Variants in SSH1 observed in about 807,000 individuals in gnomAD.
SSH1 encodes protein phosphatase Slingshot homolog 1.
A neutral mutation model predicts 79.7 loss-of-function variants in SSH1; 43 were observed. That is an observed-to-expected ratio of 0.54 (90% CI 0.42 to 0.70). The LOEUF (loss-of-function observed/expected upper bound fraction) is 0.70. Ranked by LOEUF, SSH1 falls within the 30% of genes least tolerant of loss-of-function variation. SSH1 has a pLI of 0.00. For missense variants in SSH1, 1,206 were observed against 1,358.8 expected (o/e 0.89, Z 1.77); for synonymous variants, 599 against 538.3 (o/e 1.11, Z -1.56).
intron 2 of SSH1, among the ~76,000 whole-genome samples, chr12:108,830,776 C>T (rs2038453480): frequency 6.6e-6 from 1 of 152,060 alleles, no homozygotes; most frequent in Non-Finnish European, 1.5e-5. Flanking sequence ...CATGACAATA[C>T]GAAATGATGA....
intron 2 of SSH1, among the ~76,000 whole-genome samples, 157 bp downstream of exon 2, chr12:108,852,481 C>T (rs1566022610): frequency 6.6e-6 from 1 of 152,152 alleles, no homozygotes; most frequent in Non-Finnish European, 1.5e-5. Context: ...CCACCCGCCT[C>T]AGCCTCCCAA....
intron 5 of SSH1, among the ~76,000 whole-genome samples, chr12:108,812,460 G>A (rs995398773): frequency 2.6e-5 from 4 of 152,242 alleles, no homozygotes; most frequent in African/African-American, 9.6e-5. Context: ...CTCATAAGGA[G>A]GTGGGTACAG....
chr12:108,838,561 G>A (rs2038696346), intron 2 of SSH1, among the ~76,000 whole-genome samples: 1 of 152,246 alleles, frequency 6.6e-6, no homozygotes, highest in Admixed American at 6.5e-5. Context: ...CCTGCAGGAT[G>A]TGACTCAGCA....
At chr12:108,811,568 A>G in intron 5 of SSH1, 1 of 553,222 alleles carries the variant, frequency 1.8e-6, no homozygotes, top group Non-Finnish European at 3.3e-6. Context: ...CCGCACGCCC[A>G]CTCTACAGCA....
rs554500824 is a variant in SSH1 at position 108,785,573 on chromosome 12, T to C, written c.*2415A>G. ...TCTGCTCTGTGGACGGGACCAGCGC[T>C]CTCGTCTGGATGTTGATATGCTAGC... On this transcript the variant is annotated 3_prime_UTR_variant, in exon 15 of 15. Coordinates refer to ENST00000326495, the MANE Select transcript of SSH1 (RefSeq NM_018984.4). 5.3e-5 allele frequency: 8 copies of C among 152,238 alleles called. No homozygotes were observed. The South Asian group carries it at 1.7e-3, about 32-fold the overall frequency. 9.4% of individuals were successfully genotyped at this position (152,238 alleles called of 1,614,324 possible).
Position 108,780,100 on chromosome 12 carries a change from T to G in SSH1, c.*7888A>C, listed in dbSNP as rs2036132519. On this transcript the variant is annotated 3_prime_UTR_variant, in exon 15 of 15. Transcript: ENST00000326495. ...ATAACCTGGTTTTAGGAGGCAAGGA[T>G]GCGTGGGTGGGTGGTGTTTCCTGGG... 6.6e-6 allele frequency: 1 copy of G among 152,254 alleles called. No homozygotes were observed. Among genetic ancestry groups the G allele is most frequent in the African/African-American group, 2.4e-5 (1 of 41,434 alleles). The allele number at this position is 152,254 out of a possible 1,614,324, so 9.4% of individuals were successfully genotyped here. A position where few individuals can be genotyped will look rare whatever the true frequency, so the allele number is the denominator to read the frequency against.
In SSH1 at chr12:108,857,472, A is replaced by C; in HGVS notation, c.25T>G (p.Ser9Ala). 1 of 1,132,914 alleles carries C rather than the reference A, an allele frequency of 8.8e-7. No individual in the cohort carries two copies. Among genetic ancestry groups the C allele is most frequent in the Non-Finnish European group, 1.1e-6 (1 of 905,546 alleles). The allele number at this position is 1,132,914 out of a possible 1,614,324, so 70.2% of individuals were successfully genotyped here. A position where few individuals can be genotyped will look rare whatever the true frequency, so the allele number is the denominator to read the frequency against. Residue 9 changes from serine to alanine, a missense_variant, in exon 1 of 15, where the codon TCG becomes GCG. Around this residue, in one of 5 missense-constraint regions of SSH1, gnomAD observed 100 missense variants for 82.3 expected, o/e 1.21. Coordinates refer to ENST00000326495, the MANE Select transcript of SSH1 (RefSeq NM_018984.4). The surrounding 1 kb of genome is among the most constrained non-coding windows in gnomAD (Gnocchi z 4.7). MALVTLQR[S>A]PTPSAASSSA... ...GAGGAGGCGGCGCTGGGCGTGGGCGAGCGCTGCAGGGTCACCAGGGCCATG... is the reference window on the plus strand; with the variant it reads ...GAGGAGGCGGCGCTGGGCGTGGGCGCGCGCTGCAGGGTCACCAGGGCCATG...
chr12:108,806,968 C>T (rs965316384), intron 8 of SSH1, among the ~76,000 whole-genome samples: 2 of 152,238 alleles, frequency 1.3e-5, no homozygotes, highest in African/African-American at 2.4e-5. Flanking sequence ...CCTCAGGTCT[C>T]TGCCCTCTGA....
chr12:108,825,785 T>C (rs542156713), intron 2 of SSH1, among the ~76,000 whole-genome samples: 1 of 152,278 alleles, frequency 6.6e-6, no homozygotes, highest in South Asian at 2.1e-4. Flanking sequence ...CCCTCACTCA[T>C]AGGAAGTAAA....
At position 108,823,274 on chromosome 12, in the gene SSH1, G is replaced by T. The variant is rs1034779428; in HGVS notation, c.198C>A (p.His66Gln). 3.2e-6 allele frequency: 5 copies of T among 1,586,858 alleles called. No homozygotes were observed. Among genetic ancestry groups the T allele is most frequent in the African/African-American group, 1.3e-5 (1 of 74,740 alleles). Residue 66 changes from histidine to glutamine, a missense_variant, in exon 3 of 15, where the codon CAC becomes CAA. His to Gln is a conservative substitution (Grantham distance 24). Coordinates refer to ENST00000326495, the MANE Select transcript of SSH1 (RefSeq NM_018984.4). ...AGCCCTCACCTGCATGCTTGTGGGG[G>T]TGCTGAAGACTCCGCTGGCCTTGAG... ...SSPQGQRSLQ[H>Q]PHKHAGDLPQ...
intron 1 of SSH1, among the ~76,000 whole-genome samples, chr12:108,856,966 G>A (rs1236065139): frequency 6.6e-6 from 1 of 152,254 alleles, no homozygotes; most frequent in Non-Finnish European, 1.5e-5. Flanking sequence ...GTCAACCCAA[G>A]ATGGGGGTCA....
Position 108,792,282 on chromosome 12 carries a change from C to G in SSH1, c.1893+4G>C. ...TGCCACCCTGCAGGCCGGGCTCTGC[C>G]TACCTCCATGCCGTTGGGACAGCTC... On this transcript the variant is annotated splice_donor_region_variant and intron_variant, in intron 14 of 14. Coordinates refer to ENST00000326495, the MANE Select transcript of SSH1 (RefSeq NM_018984.4). 2 of 1,614,138 alleles carry G rather than the reference C, an allele frequency of 1.2e-6. No homozygotes were observed. Among genetic ancestry groups the G allele is most frequent in the Non-Finnish European group, 1.7e-6 (2 of 1,180,014 alleles).
At chr12:108,791,087 T>C (rs2036479634) in intron 14 of SSH1, among the ~76,000 whole-genome samples, 1 of 152,194 alleles carries the variant, frequency 6.6e-6, no homozygotes, top group Non-Finnish European at 1.5e-5. Flanking sequence ...GCTGGATACT[T>C]GACAACGTTG....
At chr12:108,848,487 G>C (rs907358407) in intron 2 of SSH1, among the ~76,000 whole-genome samples, 5 of 152,188 alleles carry the variant, frequency 3.3e-5, no homozygotes, top group Non-Finnish European at 7.3e-5. Flanking sequence ...TGGAAACAAA[G>C]AGAAATCTCT....
rs1198322348 is a variant in SSH1 at position 108,857,052 on chromosome 12, G to A, written c.69+376C>T. On this transcript the variant is annotated intron_variant, in intron 1 of 14. Coordinates refer to ENST00000326495, the MANE Select transcript of SSH1 (RefSeq NM_018984.4). The surrounding 1 kb of genome is among the most constrained non-coding windows in gnomAD (Gnocchi z 4.7). ...AGTCTCTGCACAGTCACCCTTAGGG[G>A]TCACAACGCACACAGTCTCCGCCTA... is the stretch of plus-strand genomic sequence containing the variant. 6.6e-6 allele frequency among the ~76,000 whole-genome samples: 1 copy of A among 152,220 alleles called. No individual in the cohort carries two copies. Among genetic ancestry groups the A allele is most frequent in the African/African-American group, 2.4e-5 (1 of 41,462 alleles).
intron 11 of SSH1, among the ~76,000 whole-genome samples, chr12:108,801,826 G>T (rs572204181): frequency 3.0e-4 from 45 of 151,598 alleles, no homozygotes; most frequent in Non-Finnish European, 5.9e-4. Context: ...GTCAGACTAC[G>T]ACAGGCATAT....
In SSH1 at chr12:108,788,482, C is replaced by T. The variant is rs190071016; in HGVS notation, c.2656G>A (p.Ala886Thr). ...GAGCCTCCTTCCAATGAAGCGGGGG[C>T]GGCCTCTGACTTCTCATCACTCCCG... ...QAGSDEKSEA[A>T]PASLEGGSLK... is the part of the protein sequence containing the mutation. Residue 886 changes from alanine to threonine, a missense_variant, in exon 15 of 15, where the codon GCC becomes ACC. Ala to Thr is a moderately conservative substitution (Grantham distance 58). Around this residue, in one of 5 missense-constraint regions of SSH1, gnomAD observed 709 missense variants for 730.6 expected, o/e 0.97. Transcript: ENST00000326495. 5.5e-5 allele frequency: 85 copies of T among 1,555,170 alleles called. No homozygotes were observed. The highest frequency in any genetic ancestry group is 6.7e-5 in the Non-Finnish European group (77 of 1,153,254).
At position 108,779,334 on chromosome 12, in the gene SSH1, G is replaced by A. The variant is rs192532486; in HGVS notation, c.*8654C>T. ...TTGTGTCACCCCAATAGCCTTTGGA[G>A]CAAGAAGTGGGTCCAATTTCCCAGG... On this transcript the variant is annotated 3_prime_UTR_variant, in exon 15 of 15. Coordinates refer to ENST00000326495, the MANE Select transcript of SSH1 (RefSeq NM_018984.4). 3 of 152,352 alleles carry A rather than the reference G, an allele frequency of 2.0e-5. No homozygotes were observed. The highest frequency in any genetic ancestry group is 7.2e-5 in the African/African-American group (3 of 41,588). 9.4% of individuals were successfully genotyped at this position (152,352 alleles called of 1,614,324 possible).
chr12:108,828,115 G>A (rs1049089524), intron 2 of SSH1, among the ~76,000 whole-genome samples: 15 of 152,176 alleles, frequency 9.9e-5, no homozygotes, highest in African/African-American at 2.7e-4. Flanking sequence ...GGAGAGAATG[G>A]AATAAGTACC....
Sources: allele counts gnomAD v4.1 joint callset (sites outside exome capture counted in the v4.1 genomes callset), GRCh38; gene constraint gnomAD v4.1.1; regional missense constraint gnomAD v4.1.1; non-coding constraint Gnocchi (gnomAD v3.1); transcripts MANE v1.5; gene names NCBI Gene and HGNC (gene_info 2026-07-23, HGNC 2026-07-21).